CADM2: variants seen among roughly 807,000 people sequenced by gnomAD.
CADM2 encodes the protein immunoglobulin superfamily member 4D.
In CADM2, 12 loss-of-function variants were observed where a neutral mutation model predicts 49.8. The ratio of observed to expected loss-of-function variants is 0.24; its 90% CI spans 0.15 to 0.39. The LOEUF (loss-of-function observed/expected upper bound fraction) is 0.39, where lower values mean the gene tolerates loss of function less well. CADM2 is among the 10% of genes least tolerant of loss of function. The probability of loss-of-function intolerance (pLI) is 1.00; values close to 1 mark genes in which losing one functional copy is unlikely to be tolerated. For synonymous variants in CADM2, 214 were observed against 175.4 expected, an observed-to-expected ratio of 1.22 and a Z score of -1.74; for missense variants, 378 against 492.3, an observed-to-expected ratio of 0.77 and a Z score of 2.20.
At chr3:85,111,451 T>C (rs1292053945) in intron 1 of CADM2, among the ~76,000 whole-genome samples, 1 of 151,916 alleles carries the variant, frequency 6.6e-6, no homozygotes, top group East Asian at 1.9e-4. Context: ...TTTAAGTATT[T>C]TGATGAAAAT....
At chr3:85,307,779 G>A (rs1309248873) in intron 1 of CADM2, among the ~76,000 whole-genome samples, 3 of 151,506 alleles carry the variant, frequency 2.0e-5, no homozygotes, top group African/African-American at 7.3e-5. Context: ...TTCAAAAAAT[G>A]CTGATTATTG....
intron 1 of CADM2, among the ~76,000 whole-genome samples, chr3:85,333,701 C>G (rs1310271657): frequency 6.6e-6 from 1 of 151,774 alleles, no homozygotes; most frequent in Non-Finnish European, 1.5e-5. Flanking sequence ...ATTGGAGACC[C>G]AGATTAGAAG....
At chr3:85,534,409 C>CT (rs2061383141) in intron 1 of CADM2, among the ~76,000 whole-genome samples, 1 of 152,210 alleles carries the variant, frequency 6.6e-6, no homozygotes, top group Non-Finnish European at 1.5e-5. Flanking sequence ...TGTAGACCAA[C>CT]TATTTCCATC....
intron 8 of CADM2, among the ~76,000 whole-genome samples, chr3:86,041,936 G>T (rs1193437249): frequency 1.3e-5 from 2 of 152,044 alleles, no homozygotes; most frequent in Non-Finnish European, 2.9e-5. Context: ...ACTCAAAACC[G>T]CTCAACTACG....
At chr3:85,725,173 A>C (rs2067651053) in intron 1 of CADM2, among the ~76,000 whole-genome samples, 2 of 151,912 alleles carry the variant, frequency 1.3e-5, no homozygotes, top group Admixed American at 1.3e-4. Context: ...GTCTGGTAAA[A>C]ATTTTATTAT....
rs776934226 is a variant in CADM2 at position 85,663,962 on chromosome 3, G to A, written c.62-62560G>A. ...GGTCAATTTAGAATTTTCGTCTTAC[G>A]CAATTAAGCAGAAATATTTTATGCA... On this transcript the variant is annotated intron_variant, in intron 1 of 9. Transcript: ENST00000383699. Among the ~76,000 whole-genome samples the A allele has an allele frequency of 2.6e-5, 4 of 152,028 alleles. No individual in the cohort carries two copies. The East Asian group carries it at 5.8e-4, about 22-fold the overall frequency.
intron 1 of CADM2, among the ~76,000 whole-genome samples, chr3:85,667,470 T>C (rs554484758): frequency 2.0e-5 from 3 of 152,136 alleles, no homozygotes; most frequent in African/African-American, 7.2e-5. Flanking sequence ...TCAGTTACAT[T>C]ACCAGGCTAG....
At chr3:85,238,082 A>C (rs1287197466) in intron 1 of CADM2, among the ~76,000 whole-genome samples, 1 of 151,972 alleles carries the variant, frequency 6.6e-6, no homozygotes, top group African/African-American at 2.4e-5. Flanking sequence ...AGTGCTTTAA[A>C]AATCTTTTCA....
At position 85,692,193 on chromosome 3, in the gene CADM2, G is replaced by A. The variant is rs1014170512; in HGVS notation, c.62-34329G>A. The stretch of plus-strand genomic sequence containing the variant: ...CCTGAGAAAGTACAGGCTACTGGGT[G>A]TAGAGTTTTGCTAAAGGATTGTGGC... On this transcript the variant is annotated intron_variant, in intron 1 of 9. Transcript: ENST00000383699. Among the ~76,000 whole-genome samples the A allele has an allele frequency of 6.6e-5, 10 of 152,178 alleles. No individual in the cohort carries two copies. In the South Asian group the frequency reaches 1.2e-3, roughly 19 times the overall value.
chr3:85,855,927 A>C (rs533265896), intron 3 of CADM2, among the ~76,000 whole-genome samples: 1 of 152,162 alleles, frequency 6.6e-6, no homozygotes, highest in South Asian at 2.1e-4. Context: ...TGCCCGGCCA[A>C]AAAATATTTT....
rs148667467 is a variant in CADM2, at chr3:85,506,572, T to A, written c.62-219950T>A. Among the ~76,000 whole-genome samples, 1,079 of 152,214 alleles carry A rather than the reference T, an allele frequency of 7.1e-3. 10 individuals are homozygous for A. Among genetic ancestry groups the A allele is most frequent in the African/African-American group, 0.024 (1,015 of 41,518 alleles). ...CACAAAAGTCTTCTGATTTTTTTTT[T>A]ATTTTTTTAAGAGCCGGGATATCAC... On this transcript the variant is annotated intron_variant, in intron 1 of 9. Coordinates refer to ENST00000383699, the MANE Select transcript of CADM2 (RefSeq NM_001167675.2).
At chr3:85,002,062 T>C (rs943158453) in intron 1 of CADM2, among the ~76,000 whole-genome samples, 3 of 152,128 alleles carry the variant, frequency 2.0e-5, no homozygotes, top group Non-Finnish European at 2.9e-5. Flanking sequence ...CATTATGATG[T>C]TATATTATGT....
intron 1 of CADM2, among the ~76,000 whole-genome samples, chr3:85,219,422 A>C (rs1375824503): frequency 6.6e-6 from 1 of 152,194 alleles, no homozygotes; most frequent in Non-Finnish European, 1.5e-5. Flanking sequence ...ACAGAACTGC[A>C]CTTGCTAAGT....
chr3:85,062,006 A>G (rs2036339318), intron 1 of CADM2, among the ~76,000 whole-genome samples: 1 of 151,502 alleles, frequency 6.6e-6, no homozygotes, highest in African/African-American at 2.4e-5. Flanking sequence ...GCTTACATAC[A>G]CACATTCTGT....
intron 8 of CADM2, among the ~76,000 whole-genome samples, chr3:86,058,895 A>G (rs1220911238): frequency 1.3e-5 from 2 of 152,016 alleles, no homozygotes; most frequent in African/African-American, 4.8e-5. Context: ...GCAGTTCAAG[A>G]CCAGCCTGGT....
chr3:85,032,071 AG>A (rs2035013660), intron 1 of CADM2, among the ~76,000 whole-genome samples: 1 of 152,156 alleles, frequency 6.6e-6, no homozygotes, highest in Admixed American at 6.6e-5. Flanking sequence ...TCTTTCTATC[AG>A]TACTGAGTTC....
intron 1 of CADM2, among the ~76,000 whole-genome samples, chr3:85,218,523 T>G (rs2041979602): frequency 6.6e-6 from 1 of 152,090 alleles, no homozygotes; most frequent in South Asian, 2.1e-4. Context: ...GGAGGTAAAG[T>G]GTACAGGCTC....
chr3:86,039,300 G>A (rs1020236429), intron 8 of CADM2, among the ~76,000 whole-genome samples: 1 of 141,156 alleles, frequency 7.1e-6, no homozygotes, highest in Admixed American at 7.0e-5. Flanking sequence ...AAAGGGGTCA[G>A]GGAATTCCTA....
chr3:85,943,718 C>T (rs540881428), intron 7 of CADM2, among the ~76,000 whole-genome samples: 3 of 151,610 alleles, frequency 2.0e-5, no homozygotes, highest in South Asian at 4.2e-4. Flanking sequence ...TCAATGGAAC[C>T]AAACAGAGCC....
Sources: gnomAD v4.1 joint callset for allele counts (sites outside exome capture counted in the v4.1 genomes callset) on GRCh38, gnomAD v4.1.1 for gene constraint, MANE v1.5 for transcripts, NCBI Gene and HGNC (gene_info 2026-07-23, HGNC 2026-07-21) for gene names.